The following CCDC149 variants were observed in gnomAD, a reference collection of about 807,000 sequenced individuals.
CCDC149 encodes coiled-coil domain containing 149.
A neutral mutation model predicts 59.9 loss-of-function variants in CCDC149; 45 were observed. The observed-to-expected ratio is 0.75, with a 90% CI of 0.59 to 0.96. The LOEUF (loss-of-function observed/expected upper bound fraction) is 0.96. Among genes scored for constraint, CCDC149 ranks in the 40% least tolerant of loss-of-function variants. The pLI is 0.00. For synonymous variants in CCDC149, 245 were observed against 260.6 expected (o/e 0.94, Z 0.58); for missense variants, 584 against 664.7 (o/e 0.88, Z 1.33).
chr4:24,936,797 C>A (rs1379340790), intron 1 of CCDC149, among the ~76,000 whole-genome samples: 1 of 152,214 alleles, frequency 6.6e-6, no homozygotes, highest in Non-Finnish European at 1.5e-5. Context: ...GGCAGCTTGA[C>A]TCACATTAGG....
intron 1 of CCDC149, among the ~76,000 whole-genome samples, chr4:24,877,071 C>T (rs749962998): frequency 3.3e-5 from 5 of 152,000 alleles, no homozygotes; most frequent in African/African-American, 7.3e-5. Context: ...ATGTTACTAA[C>T]GATAAACTCT....
intron 1 of CCDC149, among the ~76,000 whole-genome samples, chr4:24,900,368 T>C (rs1721096691): frequency 6.6e-6 from 1 of 152,186 alleles, no homozygotes; most frequent in Non-Finnish European, 1.5e-5. Flanking sequence ...ACCCCCACCT[T>C]TGTGCCTGCC....
chr4:24,957,373 T>C (rs1308828643), intron 1 of CCDC149, among the ~76,000 whole-genome samples: 1 of 152,208 alleles, frequency 6.6e-6, no homozygotes, highest in African/African-American at 2.4e-5. Flanking sequence ...TGTATAACTT[T>C]ATGAGAGGTT....
chr4:24,917,065 C>T (rs1218939326), upstream of CCDC149, among the ~76,000 whole-genome samples: 3 of 152,124 alleles, frequency 2.0e-5, no homozygotes, highest in African/African-American at 7.2e-5. Flanking sequence ...CCTCCCCCTA[C>T]CTAGAGGTTC....
At chr4:24,881,197 G>A (rs1013275452) in intron 1 of CCDC149, among the ~76,000 whole-genome samples, 4 of 152,208 alleles carry the variant, frequency 2.6e-5, no homozygotes, top group African/African-American at 9.6e-5. Flanking sequence ...GTGAGAAAAG[G>A]CCAAACGTCT....
At chr4:24,918,988 A>G (rs1050534114) in intron 1 of CCDC149, among the ~76,000 whole-genome samples, 12 of 152,234 alleles carry the variant, frequency 7.9e-5, no homozygotes, top group Non-Finnish European at 1.5e-4. Context: ...GACACTGTCA[A>G]CAAGGGTGTT....
intron 1 of CCDC149, among the ~76,000 whole-genome samples, chr4:24,932,280 G>T (rs758446803): frequency 2.0e-5 from 3 of 152,136 alleles, no homozygotes; most frequent in Non-Finnish European, 4.4e-5. Context: ...ATCTTCAACA[G>T]ATCTGATCTT....
intron 1 of CCDC149, among the ~76,000 whole-genome samples, chr4:24,978,941 G>A (rs920908436): frequency 6.6e-6 from 1 of 151,858 alleles, no homozygotes. Flanking sequence ...TTCTGGAAGC[G>A]GTGCACTTTG....
chr4:24,970,654 T>C (rs1184401678), intron 1 of CCDC149, among the ~76,000 whole-genome samples: 2 of 151,998 alleles, frequency 1.3e-5, no homozygotes, highest in Admixed American at 1.3e-4. Flanking sequence ...CCCTAATGGA[T>C]TTTGTGCCCC....
intron 1 of CCDC149, chr4:24,895,004 A>G (rs1044101939): frequency 6.5e-7 from 1 of 1,536,190 alleles, no homozygotes; most frequent in Non-Finnish European, 8.7e-7. Flanking sequence ...CAGAATCCCA[A>G]GTGGCCGCTC....
At chr4:24,880,057 G>T (rs372623300) in intron 1 of CCDC149, among the ~76,000 whole-genome samples, 1 of 152,204 alleles carries the variant, frequency 6.6e-6, no homozygotes, top group East Asian at 1.9e-4. Context: ...TACAAACATG[G>T]ACTACATTTT....
intron 1 of CCDC149, 126 bp from the exon 2 acceptor site, chr4:24,876,823 G>A: frequency 1.1e-6 from 1 of 901,928 alleles, no homozygotes; most frequent in Non-Finnish European, 1.7e-6. Context: ...CATGTGCCGA[G>A]AGAGACATTT....
chr4:24,922,991 C>T (rs7656118), intron 1 of CCDC149, among the ~76,000 whole-genome samples: 2,767 of 152,102 alleles, frequency 0.018, 99 homozygotes, highest in African/African-American at 0.063. Flanking sequence ...CATACAGATT[C>T]TGCTAAACTC....
intron 1 of CCDC149, among the ~76,000 whole-genome samples, chr4:24,940,324 A>G (rs570882231): frequency 4.5e-4 from 69 of 152,122 alleles, no homozygotes; most frequent in African/African-American, 1.6e-3. Context: ...GAAATAAAAT[A>G]CTTTACAGAC....
chr4:24,886,464 G>A (rs535737483), intron 1 of CCDC149, among the ~76,000 whole-genome samples: 1 of 152,322 alleles, frequency 6.6e-6, no homozygotes, highest in Admixed American at 6.5e-5. Flanking sequence ...CTTTGCCTGG[G>A]CATCTGTCCA....
chr4:24,820,042 C>T lies in CCDC149; in HGVS notation c.1076-67G>A. On this transcript the variant is annotated intron_variant, in intron 11 of 12. Transcript: ENST00000635206. ...TGGAGTTGGGTTGCATTTAGTCCCACACACTTAATCGGCACAGGGCTGGCT... is the reference window on the plus strand; with the variant it reads ...TGGAGTTGGGTTGCATTTAGTCCCATACACTTAATCGGCACAGGGCTGGCT... 6.8e-6 allele frequency: 8 copies of T among 1,172,066 alleles called. No individual in the cohort carries two copies. In the South Asian group the frequency reaches 8.8e-5, roughly 13 times the overall value. 72.6% of individuals were successfully genotyped at this position (1,172,066 alleles called of 1,614,324 possible). A position where few individuals can be genotyped will look rare whatever the true frequency, so the allele number is the denominator to read the frequency against.
At chr4:24,961,499 C>A (rs1373468966) in intron 1 of CCDC149, among the ~76,000 whole-genome samples, 1 of 152,110 alleles carries the variant, frequency 6.6e-6, no homozygotes, top group African/African-American at 2.4e-5. Context: ...CCCACATTGC[C>A]AAGTCAATCC....
At chr4:24,812,171 G>A (rs1714654876) in intron 12 of CCDC149, among the ~76,000 whole-genome samples, 1 of 152,162 alleles carries the variant, frequency 6.6e-6, no homozygotes, top group Admixed American at 6.5e-5. Context: ...TATCGGCAAA[G>A]TCATTTTGCC....
chr4:24,846,354 G>A (rs1262099579), intron 4 of CCDC149, among the ~76,000 whole-genome samples: 5 of 152,168 alleles, frequency 3.3e-5, no homozygotes, highest in Admixed American at 2.0e-4. Flanking sequence ...GCCCCAAGGC[G>A]AGAGCTTTTC....
Sources: allele counts gnomAD v4.1 joint callset (sites outside exome capture counted in the v4.1 genomes callset), GRCh38; gene constraint gnomAD v4.1.1; transcripts MANE v1.5; gene names NCBI Gene and HGNC (gene_info 2026-07-23, HGNC 2026-07-21).